The following ITGAM variants were observed in gnomAD, a reference collection of about 807,000 sequenced individuals.
The protein encoded by ITGAM is integrin alpha-M.
A neutral mutation model predicts 137.5 loss-of-function variants in ITGAM; 79 were observed. The ratio of observed to expected loss-of-function variants is 0.57; its 90% CI spans 0.48 to 0.69. The LOEUF (loss-of-function observed/expected upper bound fraction) is 0.69, where lower values mean the gene tolerates loss of function less well. Among genes scored for constraint, ITGAM ranks in the 30% least tolerant of loss-of-function variants. The probability of loss-of-function intolerance (pLI) is 0.00; values close to 1 mark genes in which losing one functional copy is unlikely to be tolerated. For missense variants in ITGAM, 1,343 were observed against 1,483.5 expected (o/e 0.91, Z 1.56); for synonymous variants, 583 against 592.3 (o/e 0.98, Z 0.23).
At position 31,329,889 on chromosome 16, in the gene ITGAM, A is replaced by G. The variant is rs1567283465; in HGVS notation, c.2960A>G (p.Gln987Arg). The G allele has an allele frequency of 6.4e-7, 1 of 1,561,742 alleles. No individual in the cohort carries two copies. The highest frequency in any genetic ancestry group is 8.7e-7 in the Non-Finnish European group (1 of 1,152,912). The change falls in exon 25 of 30, where the codon CAG (glutamine) becomes CGG (arginine). Residue 987 changes from glutamine to arginine, a missense_variant. Transcript: ENST00000544665. ...LNQTVIWDRP[Q>R]VTFSENLSST... is the part of the protein sequence containing the mutation. ...CAGACTGTCATATGGGACCGCCCCC[A>G]GGTCACCTTCTCCGAGGTGAGCGGA...
At chr16:31,328,104 G>A (rs1597041636) in intron 22 of ITGAM, 43 bp from the exon 23 acceptor site, 1 of 1,462,122 alleles carries the variant, frequency 6.8e-7, no homozygotes, top group East Asian at 2.3e-5. Flanking sequence ...AAGACTAACT[G>A]TCAGTTCTCA....
At chr16:31,274,608 TTATATTTA>T (rs2079886050) in intron 8 of ITGAM, among the ~76,000 whole-genome samples, 1 of 115,524 alleles carries the variant, frequency 8.7e-6, no homozygotes, top group Non-Finnish European at 1.7e-5. Context: ...TTTTATTTAT[TTATATTTA>T]TTTATTTATT....
At chr16:31,279,236 T>C (rs140775682) in intron 12 of ITGAM, among the ~76,000 whole-genome samples, 26,551 of 151,986 alleles carry the variant, frequency 0.17, 2,882 homozygotes, top group African/African-American at 0.3. Flanking sequence ...GATTTATAAT[T>C]CTTTGGGTAT....
chr16:31,311,328 A>G (rs2080328126), intron 14 of ITGAM, among the ~76,000 whole-genome samples: 1 of 152,220 alleles, frequency 6.6e-6, no homozygotes, highest in African/African-American at 2.4e-5. Flanking sequence ...AAAAGAAACT[A>G]CCATCAGAGT....
At chr16:31,260,149 G>C in intron 1 of ITGAM, 57 bp downstream of exon 1, 2 of 1,312,424 alleles carry the variant, frequency 1.5e-6, no homozygotes, top group Non-Finnish European at 2.1e-6. Context: ...TTTTGGGTCT[G>C]TCATAAATAG....
intron 5 of ITGAM, among the ~76,000 whole-genome samples, chr16:31,270,743 A>ATATATATG (rs1475429642): frequency 9.4e-6 from 1 of 106,196 alleles, no homozygotes; most frequent in Non-Finnish European, 1.8e-5. Context: ...ATATATATAT[A>ATATATATG]TGTTTTTAAC....
At chr16:31,325,719 A>C in intron 21 of ITGAM, 97 bp downstream of exon 21, 3 of 1,420,638 alleles carry the variant, frequency 2.1e-6, no homozygotes, top group African/African-American at 2.9e-5. Context: ...CTTTTTGTAC[A>C]AAACAGCTTT....
chr16:31,331,744 G>C lies in ITGAM; in HGVS notation c.*37G>C. ...CGACAGAGCTGCCTCTCGGTGGCCA[G>C]CAGGACTCTGCCCAGACCACACGTA... On this transcript the variant is annotated 3_prime_UTR_variant, in exon 30 of 30. Coordinates refer to ENST00000544665, the MANE Select transcript of ITGAM (RefSeq NM_000632.4). The C allele has an allele frequency of 6.6e-7, 1 of 1,504,042 alleles. No individual in the cohort carries two copies. Among genetic ancestry groups the C allele is most frequent in the Non-Finnish European group, 9.1e-7 (1 of 1,104,060 alleles). The allele number at this position is 1,504,042 out of a possible 1,614,324, so 93.2% of individuals were successfully genotyped here.
chr16:31,325,631 T>G lies in ITGAM; in HGVS notation c.2628+9T>G. ...TCCCGGAAAACTCAGAGGTCAGAAC[T>G]CCTGGCTCCTCCCCTCCTTTTCTCT... is the stretch of plus-strand genomic sequence containing the variant. On this transcript the variant is annotated intron_variant, in intron 21 of 29. Transcript: ENST00000544665. The G allele has an allele frequency of 6.2e-7, 1 of 1,610,526 alleles. No individual in the cohort carries two copies. The highest frequency in any genetic ancestry group is 8.5e-7 in the Non-Finnish European group (1 of 1,178,716).
At position 31,261,819 on chromosome 16, in the gene ITGAM, C is replaced by T. The variant is rs770410408; in HGVS notation, c.134+22C>T. On this transcript the variant is annotated intron_variant, in intron 2 of 29. Transcript: ENST00000544665. ...CCAGGTGAGACCCTTAGATGGAGCC[C>T]CCTTTCTCAGTGCTTTCTCTCCAAG... 23 of 1,509,378 alleles carry T rather than the reference C, an allele frequency of 1.5e-5. No individual in the cohort carries two copies. The South Asian group carries it at 2.4e-4, about 16-fold the overall frequency. 93.5% of individuals were successfully genotyped at this position (1,509,378 alleles called of 1,614,324 possible).
chr16:31,287,787 G>C (rs2080044344), intron 12 of ITGAM, among the ~76,000 whole-genome samples: 1 of 152,044 alleles, frequency 6.6e-6, no homozygotes, highest in Non-Finnish European at 1.5e-5. Flanking sequence ...ACACATACTG[G>C]CCATTGATGG....
chr16:31,299,917 G>T (rs957526013), intron 14 of ITGAM, among the ~76,000 whole-genome samples: 2 of 151,212 alleles, frequency 1.3e-5, no homozygotes, highest in African/African-American at 4.9e-5. Flanking sequence ...GGAGTGCAGT[G>T]GTGCAAACAC....
At position 31,302,428 on chromosome 16, in the gene ITGAM, C is replaced by CTTTCTTTCT. The variant is rs71390270; in HGVS notation, c.1707+4476_1707+4477insTCTTTCTTT. Among the ~76,000 whole-genome samples, 856 of 102,980 alleles carry CTTTCTTTCT rather than the reference C, an allele frequency of 8.3e-3. 21 individuals are homozygous for CTTTCTTTCT. Among genetic ancestry groups the CTTTCTTTCT allele is most frequent in the African/African-American group, 0.012 (215 of 18,056 alleles). The allele number at this position is 102,980 out of a possible 152,430, so 67.6% of individuals were successfully genotyped here. On this transcript the variant is annotated intron_variant, in intron 14 of 29. Coordinates refer to ENST00000544665, the MANE Select transcript of ITGAM (RefSeq NM_000632.4). ...TTCTTTTTTCTTTCTTTCTTTCTTT[C>CTTTCTTTCT]TTCTTTCTTTCTTTCTTTCTTTCTT...
At chr16:31,263,141 A>T (rs957155507) in intron 2 of ITGAM, among the ~76,000 whole-genome samples, 1 of 151,908 alleles carries the variant, frequency 6.6e-6, no homozygotes, top group African/African-American at 2.4e-5. Context: ...GGGTTTCACC[A>T]TGTTGGCCAG....
intron 12 of ITGAM, among the ~76,000 whole-genome samples, chr16:31,282,076 C>G (rs1413378588): frequency 1.3e-5 from 2 of 152,138 alleles, no homozygotes; most frequent in Non-Finnish European, 2.9e-5. Flanking sequence ...GCACTGTGGT[C>G]CGAGAGACAG....
At chr16:31,265,551 G>T in intron 3 of ITGAM, 53 bp downstream of exon 3, 1 of 1,196,178 alleles carries the variant, frequency 8.4e-7, no homozygotes, top group Non-Finnish European at 1.2e-6. Flanking sequence ...GAACACATAG[G>T]GACTTTCCAG....
At chr16:31,330,046 A>C in intron 25 of ITGAM, 35 bp from the exon 26 acceptor site, 2 of 1,604,512 alleles carry the variant, frequency 1.2e-6, no homozygotes, top group African/African-American at 2.7e-5. Flanking sequence ...TGGCGCCTTC[A>C]TCTCTGCCCC....
chr16:31,328,531 A>G lies in ITGAM; in HGVS notation c.2792+301A>G, dbSNP rs538799204. Reference sequence around the variant, plus strand: ...GTGTGATCTATGTGTGTGTGCGTGCATGGGTGTGTATTTGTGCGTGTGTGT... The same window carrying G: ...GTGTGATCTATGTGTGTGTGCGTGCGTGGGTGTGTATTTGTGCGTGTGTGT... On this transcript the variant is annotated intron_variant, in intron 23 of 29. Coordinates refer to ENST00000544665, the MANE Select transcript of ITGAM (RefSeq NM_000632.4). Among the ~76,000 whole-genome samples the G allele has an allele frequency of 1.0e-4, 15 of 148,646 alleles. No homozygotes were observed. The South Asian group carries it at 2.8e-3, about 27-fold the overall frequency.
chr16:31,263,204 G>C (rs779341696), intron 2 of ITGAM, among the ~76,000 whole-genome samples: 1 of 152,020 alleles, frequency 6.6e-6, no homozygotes, highest in African/African-American at 2.4e-5. Flanking sequence ...GCCTCCCAAA[G>C]TGCTGGGATT....
Sources: allele counts gnomAD v4.1 joint callset (sites outside exome capture counted in the v4.1 genomes callset), GRCh38; gene constraint gnomAD v4.1.1; transcripts MANE v1.5; gene names NCBI Gene and HGNC (gene_info 2026-07-23, HGNC 2026-07-21).